The following REEP3 variants were observed in gnomAD, a reference collection of about 807,000 sequenced individuals.
The protein encoded by REEP3 is receptor expression-enhancing protein 3.
A neutral mutation model predicts 41.3 loss-of-function variants in REEP3; 20 were observed. The ratio of observed to expected loss-of-function variants is 0.48; its 90% CI spans 0.34 to 0.70. The LOEUF is 0.70. Among genes scored for constraint, REEP3 ranks in the 30% least tolerant of loss-of-function variants. The pLI is 0.01. For synonymous variants in REEP3, 104 were observed against 101.8 expected, an observed-to-expected ratio of 1.02 and a Z score of -0.13; for missense variants, 271 against 308.8, an observed-to-expected ratio of 0.88 and a Z score of 0.92.
intron 1 of REEP3, among the ~76,000 whole-genome samples, chr10:63,541,364 T>G (rs1316181587): frequency 1.3e-5 from 2 of 152,158 alleles, no homozygotes; most frequent in African/African-American, 4.8e-5. Flanking sequence ...TTGACTCTTT[T>G]CAGATGGTTC....
chr10:63,547,345 A>G lies in REEP3; in HGVS notation c.33-18993A>G, dbSNP rs779162523. The stretch of plus-strand genomic sequence containing the variant: ...CTAAAATTAAGCACTTCTCTTCATC[A>G]AAGACACCATTGAGAGTGAAAAAAG... On this transcript the variant is annotated intron_variant, in intron 1 of 7. Coordinates refer to ENST00000373758, the MANE Select transcript of REEP3 (RefSeq NM_001001330.3). 3.0e-4 allele frequency among the ~76,000 whole-genome samples: 45 copies of G among 152,344 alleles called. 1 individual carries two copies. The highest frequency in any genetic ancestry group is 3.4e-3 in the Middle Eastern group (1 of 294).
At chr10:63,574,976 T>C (rs769549490) in intron 2 of REEP3, among the ~76,000 whole-genome samples, 15 of 148,716 alleles carry the variant, frequency 1.0e-4, no homozygotes, top group Non-Finnish European at 1.8e-4. Flanking sequence ...CCTGCCTCAG[T>C]CTCCCAAGTA....
chr10:63,612,209 C>T (rs1406295806), intron 6 of REEP3, among the ~76,000 whole-genome samples: 1 of 152,060 alleles, frequency 6.6e-6, no homozygotes, highest in East Asian at 1.9e-4. Context: ...GGGTCTCACT[C>T]TGTCACCCAG....
chr10:63,553,511 T>C (rs1484235544), intron 1 of REEP3, among the ~76,000 whole-genome samples: 1 of 152,180 alleles, frequency 6.6e-6, no homozygotes, highest in African/African-American at 2.4e-5. Flanking sequence ...TGAAGCGTTT[T>C]CATGCTCATT....
At chr10:63,608,311 G>A (rs1182752626) in intron 5 of REEP3, among the ~76,000 whole-genome samples, 1 of 152,198 alleles carries the variant, frequency 6.6e-6, no homozygotes, top group Non-Finnish European at 1.5e-5. Context: ...GTCCTTTAAT[G>A]ATTTCGTATC....
rs1956382278 is a variant in REEP3 at position 63,624,588 on chromosome 10, T to C, written c.*3719T>C. 6.6e-6 allele frequency: 1 copy of C among 152,124 alleles called. No individual in the cohort carries two copies. The highest frequency in any genetic ancestry group is 1.5e-5 in the Non-Finnish European group (1 of 67,962). The allele number at this position is 152,124 out of a possible 1,614,324, so 9.4% of individuals were successfully genotyped here. A position where few individuals can be genotyped will look rare whatever the true frequency, so the allele number is the denominator to read the frequency against. On this transcript the variant is annotated 3_prime_UTR_variant, in exon 8 of 8. Transcript: ENST00000373758. ...TTTTATTTGTGGCAATTCGCGTTTC[T>C]TTTTTTATGCCAGAGTACATATGTT...
At chr10:63,607,488 TG>T (rs1956239631) in intron 5 of REEP3, among the ~76,000 whole-genome samples, 1 of 152,178 alleles carries the variant, frequency 6.6e-6, no homozygotes, top group Non-Finnish European at 1.5e-5. Flanking sequence ...TGGTAGGTGG[TG>T]TAGTCTATCC....
intron 1 of REEP3, among the ~76,000 whole-genome samples, chr10:63,533,275 A>G (rs1480126964): frequency 2.6e-5 from 4 of 152,240 alleles, no homozygotes; most frequent in Non-Finnish European, 5.9e-5. Context: ...GCCCACAGGA[A>G]CAACAAGCCT....
At chr10:63,602,385 T>C (rs1446122786) in intron 5 of REEP3, among the ~76,000 whole-genome samples, 10 of 152,262 alleles carry the variant, frequency 6.6e-5, no homozygotes, top group African/African-American at 2.4e-4. Flanking sequence ...TGCTTTTTGC[T>C]ATAAAATTTA....
At chr10:63,576,190 C>T (rs991290182) in intron 2 of REEP3, among the ~76,000 whole-genome samples, 1 of 152,120 alleles carries the variant, frequency 6.6e-6, no homozygotes, top group African/African-American at 2.4e-5. Context: ...GAGCTCTGTG[C>T]CCATGAAAGG....
At chr10:63,619,532 G>T in intron 6 of REEP3, 123 bp from the exon 7 acceptor site, 1 of 749,896 alleles carries the variant, frequency 1.3e-6, no homozygotes, top group Non-Finnish European at 2.1e-6. Context: ...GCACATTCCA[G>T]ATGCAAAAAG....
chr10:63,610,342 T>G lies in REEP3; in HGVS notation c.565+8T>G. 1 of 1,551,636 alleles carries G rather than the reference T, an allele frequency of 6.4e-7. No individual in the cohort carries two copies. The highest frequency in any genetic ancestry group is 2.4e-5 in the East Asian group (1 of 40,920). On this transcript the variant is annotated splice_region_variant and intron_variant, in intron 6 of 7. Coordinates refer to ENST00000373758, the MANE Select transcript of REEP3 (RefSeq NM_001001330.3). ...CCCCCAGTGAATCAGCAGGTGTGCT[T>G]GTGTGTTTTAATATACGGTTCTTTT... is the stretch of plus-strand genomic sequence containing the variant.
chr10:63,610,480 A>C, intron 6 of REEP3, 146 bp downstream of exon 6: 2 of 734,256 alleles, frequency 2.7e-6, no homozygotes, highest in Non-Finnish European at 4.3e-6. Context: ...TAAAACCTAG[A>C]TGATGGGTTG....
intron 1 of REEP3, among the ~76,000 whole-genome samples, chr10:63,531,009 AG>A (rs1955416275): frequency 6.6e-6 from 1 of 152,240 alleles, no homozygotes; most frequent in Non-Finnish European, 1.5e-5. Context: ...CTAACTGTTA[AG>A]GGTTTATGCA....
At position 63,606,894 on chromosome 10, in the gene REEP3, T is replaced by C. The variant is rs76002972; in HGVS notation, c.418-3293T>C. ...TTGTACTGTTGTTAGTTTTGCATTT[T>C]TCCATGCCTACTTATAGCCATACTG... On this transcript the variant is annotated intron_variant, in intron 5 of 7. Transcript: ENST00000373758. Among the ~76,000 whole-genome samples the C allele has an allele frequency of 0.02, 3,000 of 152,308 alleles. 130 individuals carry two copies. The East Asian group carries it at 0.21, about 10-fold the overall frequency.
intron 1 of REEP3, among the ~76,000 whole-genome samples, chr10:63,526,081 G>A (rs942148792): frequency 4.6e-5 from 7 of 152,178 alleles, no homozygotes; most frequent in Non-Finnish European, 1.0e-4. Flanking sequence ...AATGTTTGAA[G>A]TATCTTCAAT....
intron 1 of REEP3, among the ~76,000 whole-genome samples, chr10:63,524,592 C>T (rs1273838171): frequency 3.3e-5 from 5 of 152,058 alleles, no homozygotes; most frequent in South Asian, 2.1e-4. Flanking sequence ...TATAGGTGCA[C>T]GCCACCACAC....
chr10:63,604,509 C>T (rs1269354259), intron 5 of REEP3, among the ~76,000 whole-genome samples: 1 of 152,192 alleles, frequency 6.6e-6, no homozygotes, highest in Non-Finnish European at 1.5e-5. Flanking sequence ...TTACCACAGA[C>T]TTTTGAGCTT....
At chr10:63,524,881 G>A (rs969622670) in intron 1 of REEP3, among the ~76,000 whole-genome samples, 1 of 151,984 alleles carries the variant, frequency 6.6e-6, no homozygotes, top group Non-Finnish European at 1.5e-5. Flanking sequence ...GCGTGATGGC[G>A]CACACCTGTA....
Sources: gnomAD v4.1 joint callset for allele counts (sites outside exome capture counted in the v4.1 genomes callset) on GRCh38, gnomAD v4.1.1 for gene constraint, MANE v1.5 for transcripts, NCBI Gene and HGNC (gene_info 2026-07-23, HGNC 2026-07-21) for gene names.